The following ARHGAP23 variants were observed in gnomAD, a reference collection of about 807,000 sequenced individuals.
ARHGAP23 encodes rho GTPase-activating protein 23.
Under a neutral mutation model 136.3 loss-of-function variants are expected in ARHGAP23, and 34 were observed. The observed-to-expected ratio is 0.25, with a 90% confidence interval of 0.19 to 0.33. The LOEUF is 0.33. Among genes scored for constraint, ARHGAP23 ranks in the 10% least tolerant of loss-of-function variants. The pLI is 1.00. For missense variants in ARHGAP23, 1,808 were observed against 2,139.0 expected (o/e 0.85, Z 3.05); for synonymous variants, 832 against 920.5 (o/e 0.90, Z 1.74).
chr17:38,420,525 G>T (rs2038510087), intron 1 of ARHGAP23, among the ~76,000 whole-genome samples: 1 of 152,232 alleles, frequency 6.6e-6, no homozygotes, highest in Non-Finnish European at 1.5e-5. Flanking sequence ...TCTGGCAGAG[G>T]GCTTGTGGGT....
chr17:38,510,131 G>A lies in ARHGAP23; in HGVS notation c.3635G>A (p.Arg1212Gln). Residue 1212 changes from arginine to glutamine, a missense_variant, in exon 24 of 24, where the codon CGG becomes CAG. Arg to Gln is a conservative substitution (Grantham distance 43, BLOSUM62 1). Coordinates refer to ENST00000622683, the MANE Select transcript of ARHGAP23 (RefSeq NM_001199417.2). The surrounding 1 kb of genome is among the most constrained non-coding windows in gnomAD (Gnocchi z 4.6). ...GCCACAGCGCCGGGGACTCAGGAGC[G>A]GCCGCAGGGGCCGCTGCCTGGCGCC... ...AGATAPGTQE[R>Q]PQGPLPGAVA... The A allele has an allele frequency of 5.5e-6, 7 of 1,266,590 alleles. No homozygotes were observed. Among genetic ancestry groups the A allele is most frequent in the Non-Finnish European group, 6.9e-6 (7 of 1,012,520 alleles). 78.5% of individuals were successfully genotyped at this position (1,266,590 alleles called of 1,614,324 possible). A position where few individuals can be genotyped will look rare whatever the true frequency, so the allele number is the denominator to read the frequency against.
At chr17:38,487,693 G>A (rs145322555) in intron 17 of ARHGAP23, among the ~76,000 whole-genome samples, 13,373 of 151,918 alleles carry the variant, frequency 0.088, 745 homozygotes, top group Middle Eastern at 0.13. Flanking sequence ...GTGAAACCCC[G>A]TCTCTACTAA....
chr17:38,448,079 C>G (rs1045004028), intron 1 of ARHGAP23, among the ~76,000 whole-genome samples: 5 of 152,184 alleles, frequency 3.3e-5, no homozygotes, highest in African/African-American at 1.2e-4. Context: ...GTTGCCCACC[C>G]CTTCCCTACT....
intron 1 of ARHGAP23, among the ~76,000 whole-genome samples, chr17:38,430,350 T>G (rs927380215): frequency 2.0e-5 from 3 of 151,966 alleles, no homozygotes; most frequent in African/African-American, 7.3e-5. Flanking sequence ...GTCAGGCTTG[T>G]GTGGATCCCA....
At chr17:38,422,270 G>A (rs1255958677) in intron 1 of ARHGAP23, among the ~76,000 whole-genome samples, 1 of 152,180 alleles carries the variant, frequency 6.6e-6, no homozygotes, top group African/African-American at 2.4e-5. Flanking sequence ...TTGTCATGGG[G>A]ACTAAATGAA....
At chr17:38,439,607 C>T (rs1270131876) in intron 1 of ARHGAP23, among the ~76,000 whole-genome samples, 1 of 152,216 alleles carries the variant, frequency 6.6e-6, no homozygotes, top group Non-Finnish European at 1.5e-5. Flanking sequence ...GCACTTTACA[C>T]ACACCGTCTC....
In ARHGAP23 at chr17:38,497,428, G is replaced by A. The variant is rs558046558; in HGVS notation, c.3277-357G>A. On this transcript the variant is annotated intron_variant, in intron 20 of 23. Transcript: ENST00000622683. ...CTGGTGCCTCCCTGCCCCCCGGCTC[G>A]CTGTGGGGAGTATACCACAGGGGTG... Among the ~76,000 whole-genome samples, 19 of 152,338 alleles carry A rather than the reference G, an allele frequency of 1.2e-4. No individual in the cohort carries two copies. In the East Asian group the frequency reaches 1.5e-3, roughly 12 times the overall value.
In ARHGAP23 at chr17:38,432,419, C is replaced by T. The variant is rs144531410; in HGVS notation, c.63+3871C>T. 7.8e-3 allele frequency among the ~76,000 whole-genome samples: 1,192 copies of T among 152,212 alleles called. 21 individuals carry two copies. The highest frequency in any genetic ancestry group is 0.027 in the African/African-American group (1,125 of 41,506). On this transcript the variant is annotated intron_variant, in intron 1 of 23. Transcript: ENST00000622683. ...CTGGGGCCAGGAGCAGTGGCTGACA[C>T]CTGTAATCCCAGCACTTTGGGAGGC...
chr17:38,462,842 C>T lies in ARHGAP23; in HGVS notation c.254-4C>T. 1 of 1,512,752 alleles carries T rather than the reference C, an allele frequency of 6.6e-7. No individual in the cohort carries two copies. The highest frequency in any genetic ancestry group is 2.5e-5 in the Admixed American group (1 of 39,306). 93.7% of individuals were successfully genotyped at this position (1,512,752 alleles called of 1,614,324 possible). A position where few individuals can be genotyped will look rare whatever the true frequency, so the allele number is the denominator to read the frequency against. ...CCCCAGCTAACCTGGCTGATGCCCACTAGGACCCTCCCCCCGGTACCGCCT... is the reference window on the plus strand; with the variant it reads ...CCCCAGCTAACCTGGCTGATGCCCATTAGGACCCTCCCCCCGGTACCGCCT... On this transcript the variant is annotated splice_region_variant and splice_polypyrimidine_tract_variant and intron_variant, in intron 3 of 23. Transcript: ENST00000622683.
chr17:38,496,009 C>T (rs2040383589), intron 20 of ARHGAP23, among the ~76,000 whole-genome samples: 1 of 152,066 alleles, frequency 6.6e-6, no homozygotes, highest in Non-Finnish European at 1.5e-5. Context: ...GCAATTCCCC[C>T]ACCTCACCCT....
At chr17:38,504,181 G>GA (rs2040579362) in intron 23 of ARHGAP23, among the ~76,000 whole-genome samples, 1 of 152,186 alleles carries the variant, frequency 6.6e-6, no homozygotes, top group Non-Finnish European at 1.5e-5. Context: ...CTGGCACAGG[G>GA]ACTGGCTCTG....
At chr17:38,426,960 G>A (rs2038579364), upstream of ARHGAP23, among the ~76,000 whole-genome samples, 1 of 152,174 alleles carries the variant, frequency 6.6e-6, no homozygotes, top group Non-Finnish European at 1.5e-5. Flanking sequence ...ACTCCAGCAG[G>A]CAGAGCTGGC....
At chr17:38,509,442 G>A (rs867274799) in intron 23 of ARHGAP23, among the ~76,000 whole-genome samples, 1 of 152,276 alleles carries the variant, frequency 6.6e-6, no homozygotes, top group African/African-American at 2.4e-5. Context: ...GAGGCCTGTA[G>A]ATGCTGGGCA....
intron 12 of ARHGAP23, among the ~76,000 whole-genome samples, chr17:38,478,916 G>C (rs1362281180): frequency 6.6e-6 from 1 of 152,200 alleles, no homozygotes; most frequent in Non-Finnish European, 1.5e-5. Context: ...GTGGGAGGGG[G>C]TGCTAGTGCA....
intron 16 of ARHGAP23, among the ~76,000 whole-genome samples, chr17:38,482,979 G>T (rs1257985000): frequency 6.6e-6 from 1 of 152,164 alleles, no homozygotes; most frequent in Non-Finnish European, 1.5e-5. Flanking sequence ...TTCACCAAAG[G>T]CCGGTGAAAG....
chr17:38,450,508 G>C (rs571992757), intron 1 of ARHGAP23: 6 of 152,266 alleles, frequency 3.9e-5, no homozygotes, highest in African/African-American at 1.4e-4. Context: ...CCCAGGCTCA[G>C]GTGATCCTCC....
In ARHGAP23 at chr17:38,458,242, G is replaced by A. The variant is rs977493853; in HGVS notation, c.204G>A (p.Ser68=). The A allele has an allele frequency of 2.7e-5, 41 of 1,530,940 alleles. No homozygotes were observed. The highest frequency in any genetic ancestry group is 4.1e-5 in the African/African-American group (3 of 72,956). The allele number at this position is 1,530,940 out of a possible 1,614,324, so 94.8% of individuals were successfully genotyped here. Residue 68 remains serine (S), a synonymous_variant, in exon 2 of 24, where the codon TCG becomes TCA. Coordinates refer to ENST00000622683, the MANE Select transcript of ARHGAP23 (RefSeq NM_001199417.2). ...ACTTCATCGTGTACCCACCCGAGTCGGCCGTGCACTGCAGCCTGAAGGTAT... is the reference window on the plus strand; with the variant it reads ...ACTTCATCGTGTACCCACCCGAGTCAGCCGTGCACTGCAGCCTGAAGGTAT... ...LRHFIVYPPE[S]AVHCSLKEEE...
chr17:38,479,657 G>A, intron 13 of ARHGAP23, 96 bp from the exon 14 acceptor site: 1 of 1,424,220 alleles, frequency 7.0e-7, no homozygotes, highest in Non-Finnish European at 9.4e-7. Flanking sequence ...TTGCCTCAGG[G>A]TGGAGGGGAG....
At chr17:38,486,713 A>G (rs2040168716) in intron 17 of ARHGAP23, among the ~76,000 whole-genome samples, 1 of 152,140 alleles carries the variant, frequency 6.6e-6, no homozygotes, top group South Asian at 2.1e-4. Context: ...CAGCAACTCC[A>G]TGAGGAAGGT....
Sources: allele counts gnomAD v4.1 joint callset (sites outside exome capture counted in the v4.1 genomes callset), GRCh38; gene constraint gnomAD v4.1.1; non-coding constraint Gnocchi (gnomAD v3.1); transcripts MANE v1.5; gene names NCBI Gene and HGNC (gene_info 2026-07-23, HGNC 2026-07-21).